The following FGF13 variants were observed in gnomAD, a reference collection of about 807,000 sequenced individuals.
FGF13 encodes the protein fibroblast growth factor 13, also known as fibroblast growth factor homologous factor 2.
Under a neutral mutation model 19.5 loss-of-function variants are expected in FGF13, and 2 were observed. The observed-to-expected ratio is 0.10, with a 90% CI of 0.04 to 0.32. The LOEUF is 0.32. FGF13 is among the 10% of genes least tolerant of loss of function. The probability of loss-of-function intolerance (pLI) is 1.00; values close to 1 mark genes in which losing one functional copy is unlikely to be tolerated. For missense variants in FGF13, 113 were observed against 192.7 expected (o/e 0.59, Z 2.45); for synonymous variants, 72 against 76.9 (o/e 0.94, Z 0.33).
intron 3 of FGF13, among the ~76,000 whole-genome samples, chrX:138,799,412 G>A (rs1241901911): frequency 8.9e-6 from 1 of 112,133 alleles, no homozygotes; most frequent in African/African-American, 3.2e-5. Context: ...TGATTGCACT[G>A]TGGTCTGAGA....
At chrX:138,754,581 G>A (rs1012598182) in intron 3 of FGF13, among the ~76,000 whole-genome samples, 4 of 111,394 alleles carry the variant, frequency 3.6e-5, no homozygotes, top group Non-Finnish European at 7.5e-5. Context: ...CCTTAGAAAG[G>A]ACTGCTTCAA....
At chrX:138,678,672 A>G (rs2089698006) in intron 3 of FGF13, among the ~76,000 whole-genome samples, 2 of 112,003 alleles carry the variant, frequency 1.8e-5, no homozygotes, top group South Asian at 7.5e-4. Flanking sequence ...GCAAACTTAT[A>G]TAACATGAAC....
intron 3 of FGF13, among the ~76,000 whole-genome samples, chrX:138,760,791 T>C (rs919862438): frequency 5.4e-5 from 6 of 111,952 alleles, no homozygotes; most frequent in African/African-American, 2.0e-4. Context: ...ATGAGGACTT[T>C]ATTGACAGGT....
chrX:138,921,523 T>C (rs5976220), intron 1 of FGF13, among the ~76,000 whole-genome samples: 11,387 of 111,607 alleles, frequency 0.1, 1,400 homozygotes, highest in African/African-American at 0.35. Flanking sequence ...GTGTGAGTCC[T>C]ACATGTACCC....
intron 1 of FGF13, among the ~76,000 whole-genome samples, chrX:139,051,729 C>G (rs2092303670): frequency 8.9e-6 from 1 of 112,564 alleles, no homozygotes; most frequent in African/African-American, 3.2e-5. Flanking sequence ...ATTTTTCCAC[C>G]CACTAGCAGT....
chrX:138,842,191 C>A (rs2091153808), intron 3 of FGF13, among the ~76,000 whole-genome samples: 2 of 111,468 alleles, frequency 1.8e-5, no homozygotes, highest in African/African-American at 6.5e-5. Flanking sequence ...ATATAACTGA[C>A]TTACATTCCT....
At chrX:138,774,400 A>T (rs981579090) in intron 3 of FGF13, among the ~76,000 whole-genome samples, 1 of 111,579 alleles carries the variant, frequency 9.0e-6, no homozygotes, top group Non-Finnish European at 1.9e-5. Flanking sequence ...TGCTTCAATC[A>T]TATGAGGTGG....
intron 2 of FGF13, among the ~76,000 whole-genome samples, chrX:138,706,240 C>T (rs1377652804): frequency 8.9e-6 from 1 of 112,319 alleles, no homozygotes; most frequent in Admixed American, 9.4e-5. Context: ...TTCCTTGCAC[C>T]CAGGGCAGAC....
intron 3 of FGF13, among the ~76,000 whole-genome samples, chrX:138,682,197 T>G (rs1387384456): frequency 8.9e-6 from 1 of 112,338 alleles, no homozygotes; most frequent in African/African-American, 3.2e-5. Context: ...TTCCCCTATA[T>G]CTCTATTTTC....
chrX:139,116,818 T>C (rs2083642998), intron 1 of FGF13, among the ~76,000 whole-genome samples: 2 of 110,849 alleles, frequency 1.8e-5, no homozygotes, highest in Admixed American at 9.6e-5. Context: ...TGGTACAGGG[T>C]GACCATGTTC....
chrX:139,023,198 T>C (rs2092184757), intron 1 of FGF13, among the ~76,000 whole-genome samples: 1 of 111,058 alleles, frequency 9.0e-6, no homozygotes, highest in South Asian at 3.8e-4. Flanking sequence ...CTGTTGCAAC[T>C]ACTCAACTCT....
intron 1 of FGF13, among the ~76,000 whole-genome samples, chrX:139,052,969 C>T (rs935372870): frequency 1.4e-4 from 16 of 110,811 alleles, no homozygotes; most frequent in African/African-American, 5.3e-4. Flanking sequence ...GCTGTATACA[C>T]TGCACACTAT....
At chrX:139,124,953 C>T (rs1010048237) in intron 1 of FGF13, among the ~76,000 whole-genome samples, 11 of 111,930 alleles carry the variant, frequency 9.8e-5, no homozygotes, top group African/African-American at 3.6e-4. Flanking sequence ...CGACTGCTAA[C>T]TCCCATCCCA....
Position 138,863,324 on chromosome X carries a change from T to C in FGF13, c.-39+1253A>G, listed in dbSNP as rs192547485. On this transcript the variant is annotated intron_variant, in intron 2 of 2. Coordinates refer to the FGF13 transcript ENST00000421460. ...TACTCATAATACACACAAATAATTC[T>C]CTTTGACCTATGTAGCCTTCCCATG... Among the ~76,000 whole-genome samples, 3 of 111,798 alleles carry C rather than the reference T, an allele frequency of 2.7e-5. No homozygotes were observed. In the East Asian group the frequency reaches 8.5e-4, roughly 32 times the overall value.
At chrX:138,886,192 G>C (rs2091450962) in intron 1 of FGF13, among the ~76,000 whole-genome samples, 1 of 111,686 alleles carries the variant, frequency 9.0e-6, no homozygotes, top group African/African-American at 3.3e-5. Flanking sequence ...CATTCAAATG[G>C]AATGAAGGTG....
At chrX:139,105,112 C>A (rs1029941786) in intron 1 of FGF13, among the ~76,000 whole-genome samples, 6 of 110,628 alleles carry the variant, frequency 5.4e-5, no homozygotes, top group African/African-American at 2.0e-4. Context: ...AGGATCAATT[C>A]CCTATCTGGC....
intron 3 of FGF13, among the ~76,000 whole-genome samples, chrX:138,672,056 G>A (rs1439948082): frequency 9.2e-6 from 1 of 108,600 alleles, no homozygotes; most frequent in Non-Finnish European, 1.9e-5. Context: ...GTGAAGAAAC[G>A]GCAGGAAAAC....
chrX:139,168,588 TAATAGC>T (rs1221544936), intron 1 of FGF13, among the ~76,000 whole-genome samples: 3 of 111,865 alleles, frequency 2.7e-5, no homozygotes, highest in African/African-American at 9.7e-5. Context: ...GCTACAAATG[TAATAGC>T]AATATTAAAA....
intron 3 of FGF13, among the ~76,000 whole-genome samples, chrX:138,804,707 C>G (rs921930004): frequency 3.6e-5 from 4 of 111,867 alleles, no homozygotes; most frequent in Non-Finnish European, 7.5e-5. Context: ...TTTTAGAAGG[C>G]CGCCTTGCGA....
Sources: gnomAD v4.1 joint callset for allele counts (sites outside exome capture counted in the v4.1 genomes callset) on GRCh38, gnomAD v4.1.1 for gene constraint, MANE v1.5 for transcripts, NCBI Gene and HGNC (gene_info 2026-07-23, HGNC 2026-07-21) for gene names.